Variants in FHIP1A observed in about 807,000 individuals in gnomAD.
FHIP1A encodes the protein FHF complex subunit HOOK-interacting protein 1A.
Under a neutral mutation model 88.6 loss-of-function variants are expected in FHIP1A, and 61 were observed. The ratio of observed to expected loss-of-function variants is 0.69; its 90% CI spans 0.56 to 0.85. The LOEUF (loss-of-function observed/expected upper bound fraction) is 0.85. Ranked by LOEUF, FHIP1A falls within the 40% of genes least tolerant of loss-of-function variation. FHIP1A has a pLI of 0.00. For missense variants in FHIP1A, 1,154 were observed against 1,273.5 expected, an observed-to-expected ratio of 0.91 and a Z score of 1.43; for synonymous variants, 478 against 496.0, an observed-to-expected ratio of 0.96 and a Z score of 0.48.
intron 5 of FHIP1A, among the ~76,000 whole-genome samples, chr4:151,583,763 T>A (rs1734108944): frequency 6.6e-6 from 1 of 152,212 alleles, no homozygotes; most frequent in Non-Finnish European, 1.5e-5. Flanking sequence ...AGATTAGATT[T>A]CTCTTCGAGG....
At chr4:151,606,711 A>G (rs962026333) in intron 7 of FHIP1A, among the ~76,000 whole-genome samples, 3 of 152,108 alleles carry the variant, frequency 2.0e-5, no homozygotes, top group African/African-American at 7.2e-5. Context: ...GTCTTGTTCT[A>G]TTTTTGCTAG....
intron 2 of FHIP1A, among the ~76,000 whole-genome samples, chr4:151,477,452 C>T (rs1440452392): frequency 1.3e-5 from 2 of 152,044 alleles, no homozygotes; most frequent in Non-Finnish European, 1.5e-5. Flanking sequence ...GGAGTATGTA[C>T]ATACGGCCCT....
intron 3 of FHIP1A, among the ~76,000 whole-genome samples, chr4:151,507,970 T>C (rs1730894417): frequency 6.6e-6 from 1 of 152,246 alleles, no homozygotes; most frequent in Admixed American, 6.5e-5. Context: ...ATTTTGAATC[T>C]GAAGGATTCT....
intron 13 of FHIP1A, among the ~76,000 whole-genome samples, chr4:151,658,137 G>C (rs1737318497): frequency 6.6e-6 from 1 of 152,168 alleles, no homozygotes; most frequent in Admixed American, 6.5e-5. Flanking sequence ...GTAGACTTCG[G>C]GTGCCATGTG....
At chr4:151,427,484 T>C (rs1439945626) in intron 1 of FHIP1A, among the ~76,000 whole-genome samples, 1 of 152,164 alleles carries the variant, frequency 6.6e-6, no homozygotes, top group South Asian at 2.1e-4. Flanking sequence ...TGAGCTGTGG[T>C]ACAAATTGTT....
At chr4:151,570,590 T>C (rs1044148755) in intron 4 of FHIP1A, among the ~76,000 whole-genome samples, 6 of 152,312 alleles carry the variant, frequency 3.9e-5, no homozygotes, top group Middle Eastern at 6.8e-3. Context: ...TAGCTGGGAC[T>C]GCAGAGATGT....
At chr4:151,661,781 T>C (rs1241324577) in intron 13 of FHIP1A, among the ~76,000 whole-genome samples, 2 of 152,214 alleles carry the variant, frequency 1.3e-5, no homozygotes, top group Non-Finnish European at 2.9e-5. Context: ...GTTATTGAAA[T>C]TGAGATGGGA....
intron 7 of FHIP1A, among the ~76,000 whole-genome samples, chr4:151,603,004 G>C (rs1734932149): frequency 6.6e-6 from 1 of 152,080 alleles, no homozygotes; most frequent in South Asian, 2.1e-4. Flanking sequence ...AATGCACTTA[G>C]CATTTGCTTA....
At chr4:151,594,687 T>C (rs1734579849) in intron 7 of FHIP1A, among the ~76,000 whole-genome samples, 1 of 151,788 alleles carries the variant, frequency 6.6e-6, no homozygotes, top group Admixed American at 6.6e-5. Context: ...TGTCATTCTG[T>C]CTCAGCCTCC....
At chr4:151,441,439 CAATTG>C (rs1728409699) in intron 1 of FHIP1A, among the ~76,000 whole-genome samples, 1 of 151,518 alleles carries the variant, frequency 6.6e-6, no homozygotes, top group Admixed American at 6.6e-5. Flanking sequence ...AGAACATTGG[CAATTG>C]AATTGATTGT....
intron 2 of FHIP1A, among the ~76,000 whole-genome samples, chr4:151,473,472 T>C (rs1729597745): frequency 1.3e-5 from 2 of 152,154 alleles, no homozygotes; most frequent in South Asian, 4.1e-4. Flanking sequence ...CATTCTTTGA[T>C]GTCTCTCCTT....
intron 1 of FHIP1A, among the ~76,000 whole-genome samples, chr4:151,410,840 C>T (rs1732607286): frequency 6.6e-6 from 1 of 152,146 alleles, no homozygotes; most frequent in African/African-American, 2.4e-5. Context: ...CCAGTTAATC[C>T]CTTTCCGCAG....
intron 7 of FHIP1A, among the ~76,000 whole-genome samples, chr4:151,603,657 A>T (rs1734960338): frequency 6.6e-6 from 1 of 152,166 alleles, no homozygotes; most frequent in Non-Finnish European, 1.5e-5. Flanking sequence ...GCAAACTCAT[A>T]ATGTCTTTCT....
At chr4:151,594,236 C>G (rs903643432) in intron 7 of FHIP1A, among the ~76,000 whole-genome samples, 3 of 152,158 alleles carry the variant, frequency 2.0e-5, no homozygotes, top group Admixed American at 2.0e-4. Context: ...GTTTTGGTAT[C>G]AGGATGATGC....
At chr4:151,654,478 G>T (rs1294388849) in intron 11 of FHIP1A, among the ~76,000 whole-genome samples, 2 of 152,098 alleles carry the variant, frequency 1.3e-5, no homozygotes, top group Non-Finnish European at 1.5e-5. Flanking sequence ...ATCATTTTAT[G>T]GTCATATGTT....
At chr4:151,456,764 A>G (rs560257989) in intron 2 of FHIP1A, among the ~76,000 whole-genome samples, 7 of 152,192 alleles carry the variant, frequency 4.6e-5, no homozygotes, top group African/African-American at 1.2e-4. Context: ...TTTTGATTGC[A>G]TTTACATTGG....
intron 8 of FHIP1A, among the ~76,000 whole-genome samples, chr4:151,633,390 G>C (rs1736229037): frequency 6.6e-6 from 1 of 151,856 alleles, no homozygotes; most frequent in South Asian, 2.1e-4. Context: ...ATGTAAAGAA[G>C]AATTAACATC....
At chr4:151,436,824 T>C (rs1728221986) in intron 1 of FHIP1A, among the ~76,000 whole-genome samples, 1 of 152,130 alleles carries the variant, frequency 6.6e-6, no homozygotes, top group African/African-American at 2.4e-5. Flanking sequence ...CAGCATCCAG[T>C]AGTAATACCA....
At chr4:151,496,940 C>T (rs1248759174) in intron 3 of FHIP1A, among the ~76,000 whole-genome samples, 1 of 151,500 alleles carries the variant, frequency 6.6e-6, no homozygotes, top group Non-Finnish European at 1.5e-5. Flanking sequence ...TAAATATAAA[C>T]CAAAAGAAAC....
Sources: gnomAD v4.1 joint callset for allele counts (sites outside exome capture counted in the v4.1 genomes callset) on GRCh38, gnomAD v4.1.1 for gene constraint, MANE v1.5 for transcripts, NCBI Gene and HGNC (gene_info 2026-07-23, HGNC 2026-07-21) for gene names.